Variants in FGFR2 observed in about 807,000 individuals in gnomAD.
The protein encoded by FGFR2 is fibroblast growth factor receptor 2, also known as BEK fibroblast growth factor receptor.
A neutral mutation model predicts 95.9 loss-of-function variants in FGFR2; 19 were observed. That is an observed-to-expected ratio of 0.20 (90% CI 0.14 to 0.29). The LOEUF is 0.29. Ranked by LOEUF, FGFR2 falls within the 10% of genes least tolerant of loss-of-function variation. FGFR2 has a pLI of 1.00. For synonymous variants in FGFR2, 392 were observed against 393.3 expected (o/e 1.00, Z 0.04); for missense variants, 707 against 1,056.9 (o/e 0.67, Z 4.59).
Position 121,518,941 on chromosome 10 carries a change from G to GC in FGFR2, c.939+1037dup. 2 of 1,348,750 alleles carry GC rather than the reference G, an allele frequency of 1.5e-6. No individual in the cohort carries two copies. Among genetic ancestry groups the GC allele is most frequent in the Non-Finnish European group, 2.1e-6 (2 of 949,474 alleles). 83.5% of individuals were successfully genotyped at this position (1,348,750 alleles called of 1,614,324 possible). On this transcript the variant is annotated intron_variant, in intron 7 of 17. Transcript: ENST00000358487. The surrounding 1 kb of genome is among the most constrained non-coding windows in gnomAD (Gnocchi z 4.0). ...AAACAAACTCCATTACGTCTAAACA[G>GC]CGGCATTAAAGGGCTGCGGATTTTA...
Position 121,578,195 on chromosome 10 carries a change from C to T in FGFR2, c.110-12491G>A, listed in dbSNP as rs562458556. ...CATGATCTCTACTCTTTTAAAAAGG[C>T]ACAGACCACTCCAAAGTCAGAGAGA... On this transcript the variant is annotated intron_variant, in intron 2 of 17. Coordinates refer to ENST00000358487, the MANE Select transcript of FGFR2 (RefSeq NM_000141.5). 4.0e-5 allele frequency among the ~76,000 whole-genome samples: 6 copies of T among 151,336 alleles called. No homozygotes were observed. The East Asian group carries it at 1.2e-3, about 30-fold the overall frequency.
In FGFR2 at chr10:121,588,793, A is replaced by G. The variant is rs559265213; in HGVS notation, c.109+4916T>C. On this transcript the variant is annotated intron_variant, in intron 2 of 17. Coordinates refer to ENST00000358487, the MANE Select transcript of FGFR2 (RefSeq NM_000141.5). ...AGGCCTGTAGTCCCAGCTACTCAGG[A>G]GGTTGGAGGACCCCTTCAGCCCAGG... 1.6e-3 allele frequency among the ~76,000 whole-genome samples: 244 copies of G among 152,208 alleles called. 2 individuals carry two copies. Among genetic ancestry groups the G allele is most frequent in the African/African-American group, 5.3e-3 (221 of 41,536 alleles).
intron 2 of FGFR2, among the ~76,000 whole-genome samples, chr10:121,586,557 T>C (rs1434693931): frequency 1.3e-5 from 2 of 152,214 alleles, no homozygotes; most frequent in African/African-American, 4.8e-5. Context: ...CAGAATTACT[T>C]ACAGTATTCC....
chr10:121,513,718 G>A (rs1020827247), intron 9 of FGFR2, among the ~76,000 whole-genome samples: 2 of 152,106 alleles, frequency 1.3e-5, no homozygotes, highest in African/African-American at 4.8e-5. Context: ...GGTGGCAGAC[G>A]TGACCCAACA....
intron 6 of FGFR2, among the ~76,000 whole-genome samples, chr10:121,534,296 A>C (rs1852509657): frequency 6.6e-6 from 1 of 151,790 alleles, no homozygotes; most frequent in Non-Finnish European, 1.5e-5. Flanking sequence ...ACGGGGTTTC[A>C]CCATGTTGGT....
At chr10:121,540,670 G>T (rs1376823688) in intron 5 of FGFR2, among the ~76,000 whole-genome samples, 3 of 152,152 alleles carry the variant, frequency 2.0e-5, no homozygotes. Context: ...CGGGGAACCA[G>T]TCATGTGGCA....
At chr10:121,563,482 T>C (rs1022879884) in intron 4 of FGFR2, among the ~76,000 whole-genome samples, 8 of 152,172 alleles carry the variant, frequency 5.3e-5, no homozygotes, top group Non-Finnish European at 7.3e-5. Context: ...ATGTAGAATA[T>C]ACCATGTAAG....
intron 1 of FGFR2, among the ~76,000 whole-genome samples, chr10:121,596,107 C>A (rs1263275006): frequency 6.6e-6 from 1 of 152,252 alleles, no homozygotes; most frequent in Non-Finnish European, 1.5e-5. Flanking sequence ...TACCATAATC[C>A]TTCCTGGAGT....
intron 4 of FGFR2, among the ~76,000 whole-genome samples, chr10:121,558,438 C>T (rs1011572828): frequency 2.6e-5 from 4 of 152,296 alleles, no homozygotes; most frequent in Middle Eastern, 3.4e-3. Context: ...CACTTGGAAA[C>T]ATCTAGTGCT....
At chr10:121,545,040 G>C (rs1246530773) in intron 5 of FGFR2, among the ~76,000 whole-genome samples, 1 of 152,152 alleles carries the variant, frequency 6.6e-6, no homozygotes, top group Non-Finnish European at 1.5e-5. Context: ...CTACACAGGA[G>C]GCTGAGGCAG....
chr10:121,551,057 A>G (rs1855321412), intron 5 of FGFR2, among the ~76,000 whole-genome samples: 1 of 152,078 alleles, frequency 6.6e-6, no homozygotes, highest in South Asian at 2.1e-4. Context: ...CGTCTCTGCT[A>G]CAGATACAAA....
intron 6 of FGFR2, among the ~76,000 whole-genome samples, chr10:121,529,901 A>G (rs1851874900): frequency 6.6e-6 from 1 of 152,164 alleles, no homozygotes; most frequent in African/African-American, 2.4e-5. Flanking sequence ...CAACTCAGCA[A>G]ATACACAAAA....
chr10:121,567,211 T>C (rs191336906), intron 2 of FGFR2, among the ~76,000 whole-genome samples: 10 of 152,268 alleles, frequency 6.6e-5, no homozygotes, highest in African/African-American at 9.6e-5. Flanking sequence ...GCCACATGCA[T>C]TGGGGACAAG....
intron 5 of FGFR2, among the ~76,000 whole-genome samples, chr10:121,543,734 C>G (rs1854093797): frequency 6.6e-6 from 1 of 152,180 alleles, no homozygotes; most frequent in African/African-American, 2.4e-5. Context: ...AAGAAGTTTG[C>G]TTTTCAGGAG....
chr10:121,556,340 C>A (rs1856126954), intron 4 of FGFR2, among the ~76,000 whole-genome samples: 2 of 151,706 alleles, frequency 1.3e-5, no homozygotes, highest in African/African-American at 4.9e-5. Flanking sequence ...GCTGCTGGGC[C>A]TGCCCCCACC....
intron 17 of FGFR2, 54 bp from the exon 18 acceptor site, chr10:121,480,075 T>A (rs990621338): frequency 6.5e-7 from 1 of 1,531,906 alleles, no homozygotes; most frequent in Non-Finnish European, 9.0e-7. Context: ...GATAACAAGG[T>A]GAATACGGTT....
chr10:121,527,422 G>A (rs906299957), intron 6 of FGFR2, among the ~76,000 whole-genome samples: 1 of 152,148 alleles, frequency 6.6e-6, no homozygotes, highest in Non-Finnish European at 1.5e-5. Context: ...ATTTACGTTC[G>A]AAATTGGTCT....
At chr10:121,597,562 G>A (rs1483128952) in intron 1 of FGFR2, among the ~76,000 whole-genome samples, 3 of 152,360 alleles carry the variant, frequency 2.0e-5, no homozygotes, top group African/African-American at 4.8e-5. Context: ...CAGGACACAC[G>A]GATGGGGCAC....
chr10:121,508,009 G>A (rs957797372), intron 9 of FGFR2, among the ~76,000 whole-genome samples: 4 of 152,108 alleles, frequency 2.6e-5, no homozygotes, highest in Non-Finnish European at 5.9e-5. Flanking sequence ...CATTTACAAC[G>A]CGTTAGTTAT....
Sources: gnomAD v4.1 joint callset for allele counts (sites outside exome capture counted in the v4.1 genomes callset) on GRCh38, gnomAD v4.1.1 for gene constraint, Gnocchi (gnomAD v3.1) non-coding constraint, MANE v1.5 for transcripts, NCBI Gene and HGNC (gene_info 2026-07-23, HGNC 2026-07-21) for gene names.